Variants in KATNAL1 observed in about 807,000 individuals in gnomAD.
KATNAL1 encodes katanin catalytic subunit A1 like 1.
KATNAL1 carries 32 observed loss-of-function variants against 55.2 expected under a neutral mutation model. The ratio of observed to expected loss-of-function variants is 0.58; its 90% CI spans 0.44 to 0.78. The LOEUF (loss-of-function observed/expected upper bound fraction) is 0.78. Ranked by LOEUF, KATNAL1 falls within the 30% of genes least tolerant of loss-of-function variation. KATNAL1 has a pLI of 0.00. For synonymous variants in KATNAL1, 193 were observed against 193.6 expected, an observed-to-expected ratio of 1.00 and a Z score of 0.02; for missense variants, 466 against 600.9, an observed-to-expected ratio of 0.78 and a Z score of 2.35.
rs1261782835 is a variant in KATNAL1, at chr13:30,208,482, A to T, written c.*58T>A. The T allele has an allele frequency of 3.6e-6, 5 of 1,379,476 alleles. No homozygotes were observed. Among genetic ancestry groups the T allele is most frequent in the Non-Finnish European group, 3.9e-6 (4 of 1,036,538 alleles). 85.5% of individuals were successfully genotyped at this position (1,379,476 alleles called of 1,614,324 possible). On this transcript the variant is annotated 3_prime_UTR_variant, in exon 11 of 11. Transcript: ENST00000380615. Reference sequence around the variant, plus strand: ...TCCAAACTTGTTTTTTAAAAATTGCAGGAATTTCTTCGTATTTTATCAACA... The same window carrying T: ...TCCAAACTTGTTTTTTAAAAATTGCTGGAATTTCTTCGTATTTTATCAACA...
intron 1 of KATNAL1, among the ~76,000 whole-genome samples, chr13:30,299,862 C>T (rs1338251023): frequency 6.6e-6 from 1 of 152,106 alleles, no homozygotes; most frequent in Non-Finnish European, 1.5e-5. Context: ...TTATCTGGTT[C>T]CAGATAATTA....
intron 3 of KATNAL1, among the ~76,000 whole-genome samples, chr13:30,272,217 G>A (rs1461958596): frequency 6.6e-6 from 1 of 152,136 alleles, no homozygotes; most frequent in Admixed American, 6.5e-5. Context: ...GACTGACATG[G>A]TGAAACCCCG....
chr13:30,208,774 T>A, intron 10 of KATNAL1, 36 bp from the exon 11 acceptor site: 1 of 1,457,654 alleles, frequency 6.9e-7, no homozygotes, highest in Non-Finnish European at 9.5e-7. Context: ...CAGTAATTTT[T>A]GCACATGTTT....
chr13:30,245,544 T>C (rs1244370709), intron 4 of KATNAL1, among the ~76,000 whole-genome samples: 1 of 152,124 alleles, frequency 6.6e-6, no homozygotes, highest in Non-Finnish European at 1.5e-5. Context: ...GTATTGGAAG[T>C]TCTGGCCAGG....
chr13:30,258,762 T>C (rs1168797049), intron 3 of KATNAL1, among the ~76,000 whole-genome samples: 2 of 121,252 alleles, frequency 1.6e-5, no homozygotes, highest in Non-Finnish European at 4.1e-5. Flanking sequence ...AGTATCTCGA[T>C]TTTTTTTCAC....
At chr13:30,239,753 T>C (rs1466635233) in intron 6 of KATNAL1, among the ~76,000 whole-genome samples, 1 of 150,622 alleles carries the variant, frequency 6.6e-6, no homozygotes, top group Non-Finnish European at 1.5e-5. Context: ...TTGCGCGATC[T>C]TGGCTCATTG....
chr13:30,286,028 A>G (rs1457897286), intron 1 of KATNAL1, among the ~76,000 whole-genome samples: 1 of 152,210 alleles, frequency 6.6e-6, no homozygotes, highest in Non-Finnish European at 1.5e-5. Context: ...TTAAAAGCAT[A>G]CAGTTTTAAG....
At chr13:30,267,882 C>G (rs1044740662) in intron 3 of KATNAL1, among the ~76,000 whole-genome samples, 5 of 152,186 alleles carry the variant, frequency 3.3e-5, no homozygotes, top group Non-Finnish European at 7.3e-5. Context: ...CAAGTGAGAT[C>G]TGAGACAGGG....
intron 2 of KATNAL1, among the ~76,000 whole-genome samples, chr13:30,282,812 A>G (rs1779214409): frequency 6.6e-6 from 1 of 150,902 alleles, no homozygotes; most frequent in South Asian, 2.1e-4. Flanking sequence ...AAAATTAGCC[A>G]GGCGTGGTGG....
intron 9 of KATNAL1, among the ~76,000 whole-genome samples, chr13:30,221,353 A>T (rs1874837542): frequency 6.6e-6 from 1 of 152,212 alleles, no homozygotes; most frequent in African/African-American, 2.4e-5. Flanking sequence ...CTGAATACTG[A>T]TTTTTCTTAG....
intron 3 of KATNAL1, among the ~76,000 whole-genome samples, chr13:30,278,050 A>G (rs1880996026): frequency 1.4e-5 from 2 of 147,064 alleles, no homozygotes. Context: ...TTGTTAATTG[A>G]TGAAGGACCC....
At chr13:30,237,540 A>C (rs1593866137) in intron 6 of KATNAL1, among the ~76,000 whole-genome samples, 1 of 152,330 alleles carries the variant, frequency 6.6e-6, no homozygotes, top group South Asian at 2.1e-4. Flanking sequence ...TATAAAAATC[A>C]TATAATCTGA....
intron 2 of KATNAL1, chr13:30,281,727 A>G (rs1881353814): frequency 6.6e-6 from 1 of 152,234 alleles, no homozygotes; most frequent in South Asian, 2.1e-4. Context: ...TGTACTTTTA[A>G]TTTTTAGAAG....
chr13:30,272,431 G>T (rs1004394120), intron 3 of KATNAL1, among the ~76,000 whole-genome samples: 3 of 152,034 alleles, frequency 2.0e-5, no homozygotes, highest in African/African-American at 7.2e-5. Flanking sequence ...AAAAGGGGCA[G>T]TGAAGGGCAA....
intron 2 of KATNAL1, among the ~76,000 whole-genome samples, chr13:30,282,966 G>GAA (rs553752385): frequency 1.1e-5 from 1 of 89,566 alleles, no homozygotes; most frequent in Non-Finnish European, 2.3e-5. Flanking sequence ...AAAAAAAAAA[G>GAA]AAAAAAAAAA....
chr13:30,248,123 A>G (rs77610001), intron 4 of KATNAL1, among the ~76,000 whole-genome samples: 3,254 of 152,344 alleles, frequency 0.021, 45 homozygotes, highest in Non-Finnish European at 0.033. Flanking sequence ...GGCAAGGCTG[A>G]AATACAGAAA....
intron 3 of KATNAL1, among the ~76,000 whole-genome samples, chr13:30,277,296 T>A (rs779387748): frequency 6.6e-6 from 1 of 152,252 alleles, no homozygotes; most frequent in Non-Finnish European, 1.5e-5. Context: ...ACTTATTACA[T>A]GCCAGTTGCT....
chr13:30,278,659 T>C (rs987401992), intron 3 of KATNAL1, among the ~76,000 whole-genome samples: 1 of 152,252 alleles, frequency 6.6e-6, no homozygotes, highest in Non-Finnish European at 1.5e-5. Context: ...TTGAAGTTAT[T>C]ATCAGCTCTT....
chr13:30,227,270 T>G lies in KATNAL1; in HGVS notation c.1147+142A>C, dbSNP rs1040589091. On this transcript the variant is annotated intron_variant, in intron 9 of 10. Coordinates refer to ENST00000380615, the MANE Select transcript of KATNAL1 (RefSeq NM_032116.5). ...CATAAGAAATTTCAATAGAGTACTG[T>G]GGCCTGTGTTCACATCTACTACAAA... The G allele has an allele frequency of 4.8e-6, 3 of 628,614 alleles. No individual in the cohort carries two copies. The African/African-American group carries it at 5.5e-5, about 11-fold the overall frequency. The allele number at this position is 628,614 out of a possible 1,614,324, so 38.9% of individuals were successfully genotyped here. A position where few individuals can be genotyped will look rare whatever the true frequency, so the allele number is the denominator to read the frequency against.
Sources: gnomAD v4.1 joint callset for allele counts (sites outside exome capture counted in the v4.1 genomes callset) on GRCh38, gnomAD v4.1.1 for gene constraint, MANE v1.5 for transcripts, NCBI Gene and HGNC (gene_info 2026-07-23, HGNC 2026-07-21) for gene names.